PRKG1: variants seen among roughly 807,000 people sequenced by gnomAD.
The protein encoded by PRKG1 is cGMP-dependent protein kinase 1.
PRKG1 carries 35 observed loss-of-function variants against 88.1 expected under a neutral mutation model. That is an observed-to-expected ratio of 0.40 (90% CI 0.30 to 0.53). PRKG1 has a LOEUF of 0.53. PRKG1 is among the 20% of genes least tolerant of loss of function. PRKG1 has a pLI of 0.59. For missense variants in PRKG1, 540 were observed against 839.8 expected, an observed-to-expected ratio of 0.64 and a Z score of 4.41; for synonymous variants, 303 against 292.5, an observed-to-expected ratio of 1.04 and a Z score of -0.37.
intron 2 of PRKG1, among the ~76,000 whole-genome samples, chr10:51,440,800 C>A (rs540980386): frequency 1.3e-4 from 19 of 151,820 alleles, no homozygotes; most frequent in African/African-American, 4.6e-4. Flanking sequence ...AGAAACTTCT[C>A]CAGGAAAGGT....
At chr10:51,934,253 T>C in intron 5 of PRKG1, among the ~76,000 whole-genome samples, 1 of 107,320 alleles carries the variant, frequency 9.3e-6, no homozygotes, top group Non-Finnish European at 2.1e-5. Context: ...TACACACACA[T>C]ACCCCCCCCC....
chr10:52,227,821 C>T (rs1840426583), intron 9 of PRKG1, among the ~76,000 whole-genome samples: 1 of 152,154 alleles, frequency 6.6e-6, no homozygotes, highest in South Asian at 2.1e-4. Context: ...TGAAGTTGCA[C>T]TGCACATGTG....
At chr10:51,288,869 T>G (rs1840510909) in intron 2 of PRKG1, among the ~76,000 whole-genome samples, 1 of 152,212 alleles carries the variant, frequency 6.6e-6, no homozygotes. Flanking sequence ...AAGTAGATTT[T>G]TTTACTTCAG....
chr10:51,885,812 C>A (rs151148688), intron 4 of PRKG1, among the ~76,000 whole-genome samples: 3 of 152,260 alleles, frequency 2.0e-5, no homozygotes, highest in Middle Eastern at 3.4e-3. Flanking sequence ...TCTGCTTGGG[C>A]CTTTCCCCCG....
chr10:51,911,503 A>G (rs889849302), intron 5 of PRKG1, among the ~76,000 whole-genome samples: 33 of 152,202 alleles, frequency 2.2e-4, no homozygotes, highest in African/African-American at 7.7e-4. Context: ...AAGATGCCTT[A>G]ATTTGTGTTT....
intron 4 of PRKG1, among the ~76,000 whole-genome samples, chr10:51,893,620 A>G (rs554794185): frequency 6.6e-6 from 1 of 152,338 alleles, no homozygotes; most frequent in Admixed American, 6.5e-5. Context: ...AGTACCCACT[A>G]CATGGCATGC....
chr10:51,384,356 G>C (rs188464727), intron 2 of PRKG1, among the ~76,000 whole-genome samples: 55 of 152,050 alleles, frequency 3.6e-4, no homozygotes, highest in South Asian at 1.7e-3. Context: ...ACTCCCATAG[G>C]AGCCTGAGAC....
At chr10:51,360,616 T>C (rs1473048027) in intron 2 of PRKG1, among the ~76,000 whole-genome samples, 1 of 151,874 alleles carries the variant, frequency 6.6e-6, no homozygotes, top group Admixed American at 6.6e-5. Flanking sequence ...TAAGAGATTA[T>C]TTCTGAGCTG....
chr10:52,280,496 G>A (rs560353453), intron 12 of PRKG1, among the ~76,000 whole-genome samples: 113 of 152,252 alleles, frequency 7.4e-4, no homozygotes, highest in African/African-American at 1.9e-3. Flanking sequence ...GTAGTGGGCT[G>A]TTGAGAGGAA....
chr10:51,414,637 C>G (rs1838189666), intron 2 of PRKG1, among the ~76,000 whole-genome samples: 1 of 152,146 alleles, frequency 6.6e-6, no homozygotes, highest in South Asian at 2.1e-4. Flanking sequence ...CAAAAATCAG[C>G]TTTACACCCC....
At chr10:51,630,518 T>C (rs1480172411) in intron 3 of PRKG1, among the ~76,000 whole-genome samples, 1 of 152,226 alleles carries the variant, frequency 6.6e-6, no homozygotes, top group Non-Finnish European at 1.5e-5. Flanking sequence ...TGAATAGTTC[T>C]GCAGCTGTGC....
chr10:51,605,463 A>G (rs1838739727), intron 3 of PRKG1, among the ~76,000 whole-genome samples: 1 of 152,144 alleles, frequency 6.6e-6, no homozygotes, highest in Non-Finnish European at 1.5e-5. Context: ...ATCCTGGGAA[A>G]CAGACATATG....
intron 4 of PRKG1, among the ~76,000 whole-genome samples, chr10:51,814,352 C>T (rs74132446): frequency 0.014 from 2,069 of 152,248 alleles, 58 homozygotes; most frequent in African/African-American, 0.047. Flanking sequence ...ATTTCCCTTT[C>T]CCCATATTTT....
intron 4 of PRKG1, among the ~76,000 whole-genome samples, chr10:51,811,817 T>C (rs563022224): frequency 1.3e-5 from 2 of 152,320 alleles, no homozygotes; most frequent in Admixed American, 6.5e-5. Flanking sequence ...GATGCCCTTG[T>C]AATATCCATT....
chr10:51,824,465 T>C (rs141249310), intron 4 of PRKG1, among the ~76,000 whole-genome samples: 1 of 152,198 alleles, frequency 6.6e-6, no homozygotes, highest in Non-Finnish European at 1.5e-5. Flanking sequence ...CTTTTGTGGA[T>C]ATAGGCATAG....
At chr10:51,203,473 T>C (rs899759919) in intron 2 of PRKG1, among the ~76,000 whole-genome samples, 1 of 152,176 alleles carries the variant, frequency 6.6e-6, no homozygotes, top group African/African-American at 2.4e-5. Context: ...CCATTCAGAC[T>C]ATTTTCTGAC....
chr10:52,259,005 A>G (rs907688521), intron 10 of PRKG1, among the ~76,000 whole-genome samples: 2 of 151,988 alleles, frequency 1.3e-5, no homozygotes, highest in African/African-American at 4.8e-5. Context: ...TTGTCACAGG[A>G]CACCAAAGCA....
At chr10:51,239,673 T>C (rs953261327) in intron 2 of PRKG1, among the ~76,000 whole-genome samples, 1 of 152,198 alleles carries the variant, frequency 6.6e-6, no homozygotes, top group Non-Finnish European at 1.5e-5. Context: ...TTATTTCTAC[T>C]TTTCTGTAAT....
intron 2 of PRKG1, among the ~76,000 whole-genome samples, chr10:51,462,908 T>C (rs1015865626): frequency 1.4e-4 from 22 of 152,142 alleles, no homozygotes; most frequent in African/African-American, 5.3e-4. Context: ...ACCAATCTAG[T>C]AATATATTTT....
Sources: gnomAD v4.1 joint callset for allele counts (sites outside exome capture counted in the v4.1 genomes callset) on GRCh38, gnomAD v4.1.1 for gene constraint, MANE v1.5 for transcripts, NCBI Gene and HGNC (gene_info 2026-07-23, HGNC 2026-07-21) for gene names.